The following CPED1 variants were observed in gnomAD, a reference collection of about 807,000 sequenced individuals.
CPED1 encodes cadherin like and PC-esterase domain containing 1, also known as cadherin-like and PC-esterase domain-containing protein 1.
CPED1 carries 114 observed loss-of-function variants against 128.2 expected under a neutral mutation model. The ratio of observed to expected loss-of-function variants is 0.89; its 90% CI spans 0.76 to 1.04. The LOEUF (loss-of-function observed/expected upper bound fraction) is 1.04, where lower values mean the gene tolerates loss of function less well. Ranked by LOEUF, CPED1 falls within the 50% of genes least tolerant of loss-of-function variation. The pLI is 0.00. For missense variants in CPED1, 1,211 were observed against 1,207.1 expected (o/e 1.00, Z -0.05); for synonymous variants, 462 against 426.7 (o/e 1.08, Z -1.02).
chr7:121,265,763 T>TA (rs1314039661), intron 18 of CPED1, among the ~76,000 whole-genome samples: 1 of 151,998 alleles, frequency 6.6e-6, no homozygotes, highest in Non-Finnish European at 1.5e-5. Flanking sequence ...TTCAGAAAAT[T>TA]AGATTCTGGT....
chr7:121,233,539 G>A (rs1029830797), intron 16 of CPED1, among the ~76,000 whole-genome samples: 1 of 151,912 alleles, frequency 6.6e-6, no homozygotes, highest in Non-Finnish European at 1.5e-5. Flanking sequence ...ACAGAGGAAG[G>A]CTCTGTCTCA....
intron 4 of CPED1, among the ~76,000 whole-genome samples, chr7:121,054,756 T>C (rs1793451244): frequency 6.6e-6 from 1 of 151,918 alleles, no homozygotes; most frequent in Admixed American, 6.6e-5. Flanking sequence ...TATGCATCCA[T>C]CCTCACCCGT....
chr7:121,131,212 A>C (rs1293211945), intron 12 of CPED1, among the ~76,000 whole-genome samples: 4 of 152,108 alleles, frequency 2.6e-5, no homozygotes, highest in African/African-American at 4.8e-5. Flanking sequence ...CAATTCAAAA[A>C]TTTGAATAAT....
intron 3 of CPED1, among the ~76,000 whole-genome samples, chr7:121,033,110 G>C (rs1015353851): frequency 1.3e-5 from 2 of 152,154 alleles, no homozygotes; most frequent in African/African-American, 4.8e-5. Context: ...GCTGAGCCTG[G>C]TTCTAGGTAA....
chr7:121,128,030 A>AT (rs890493106), intron 10 of CPED1, among the ~76,000 whole-genome samples: 6 of 151,338 alleles, frequency 4.0e-5, no homozygotes, highest in East Asian at 3.9e-4. Context: ...TTATAATGCT[A>AT]TTTTTTTTTA....
At chr7:121,222,971 G>A (rs983652371) in intron 16 of CPED1, among the ~76,000 whole-genome samples, 10 of 152,044 alleles carry the variant, frequency 6.6e-5, no homozygotes, top group Non-Finnish European at 1.3e-4. Flanking sequence ...TGATTGCCCT[G>A]GCCAGAACTT....
At chr7:121,194,016 CTCTCTCTA>C (rs1195418573) in intron 16 of CPED1, among the ~76,000 whole-genome samples, 47 of 70,812 alleles carry the variant, frequency 6.6e-4, no homozygotes, top group East Asian at 1.6e-3. Flanking sequence ...CTCTCTCTCT[CTCTCTCTA>C]TATATATATA....
intron 7 of CPED1, among the ~76,000 whole-genome samples, chr7:121,103,145 A>G (rs1794894885): frequency 6.6e-6 from 1 of 152,156 alleles, no homozygotes; most frequent in Admixed American, 6.6e-5. Flanking sequence ...TTAGATTTTC[A>G]TGCTTCATTC....
At chr7:121,020,444 A>G (rs1345572974) in intron 3 of CPED1, among the ~76,000 whole-genome samples, 2 of 151,996 alleles carry the variant, frequency 1.3e-5, no homozygotes, top group African/African-American at 2.4e-5. Flanking sequence ...CAGAGTCTGT[A>G]TGGCTTTTAA....
intron 5 of CPED1, among the ~76,000 whole-genome samples, chr7:121,097,253 C>T (rs1327640604): frequency 1.3e-5 from 2 of 152,042 alleles, no homozygotes; most frequent in African/African-American, 2.4e-5. Flanking sequence ...TTCCCAAGGT[C>T]AGGAAGCATA....
chr7:121,097,230 C>A (rs1459201428), intron 5 of CPED1, among the ~76,000 whole-genome samples: 1 of 151,678 alleles, frequency 6.6e-6, no homozygotes, highest in Non-Finnish European at 1.5e-5. Context: ...ACAATAAAGC[C>A]CTGTTGTTGA....
intron 6 of CPED1, among the ~76,000 whole-genome samples, chr7:121,098,784 A>C (rs1441627658): frequency 8.2e-6 from 1 of 122,250 alleles, no homozygotes. Context: ...ATATATAAAA[A>C]TATATAAAAA....
At chr7:121,053,649 G>A (rs1485450179) in intron 4 of CPED1, among the ~76,000 whole-genome samples, 2 of 152,082 alleles carry the variant, frequency 1.3e-5, no homozygotes, top group Admixed American at 1.3e-4. Flanking sequence ...CTAATTTTAG[G>A]ATCCAGAGGT....
intron 5 of CPED1, among the ~76,000 whole-genome samples, chr7:121,075,942 A>T (rs750627764): frequency 2.8e-4 from 42 of 152,180 alleles, no homozygotes; most frequent in Non-Finnish European, 4.4e-4. Context: ...TAGTGAACCC[A>T]TGCAGTTCAA....
In CPED1 at chr7:121,213,438, A is replaced by G. The variant is rs554737630; in HGVS notation, c.2056-23276A>G. Among the ~76,000 whole-genome samples the G allele has an allele frequency of 2.6e-5, 4 of 152,128 alleles. No homozygotes were observed. The South Asian group carries it at 8.3e-4, about 31-fold the overall frequency. On this transcript the variant is annotated intron_variant, in intron 16 of 22. Coordinates refer to ENST00000310396, the MANE Select transcript of CPED1 (RefSeq NM_024913.5). ...CATAACCAAGTTCTCTATAAATGGC[A>G]TTTCCCTTTCTCCTTGTCAACTGTT...
rs373563706 is a variant in CPED1, at chr7:121,261,665, C to G, written c.2311-4562C>G. On this transcript the variant is annotated intron_variant, in intron 18 of 22. Transcript: ENST00000310396. ...CGATGTCCAGAGAGTTCCTAGAAGC[C>G]GTAATTGAAGACACAATCCAGTCAT... The G allele has an allele frequency of 6.8e-6, 11 of 1,611,044 alleles. No individual in the cohort carries two copies. The South Asian group carries it at 1.2e-4, about 18-fold the overall frequency.
At position 121,026,641 on chromosome 7, in the gene CPED1, G is replaced by A. The variant is rs150938736; in HGVS notation, c.433+10793G>A. Among the ~76,000 whole-genome samples, 295 of 148,378 alleles carry A rather than the reference G, an allele frequency of 2.0e-3. 2 individuals are homozygous for A. The highest frequency in any genetic ancestry group is 7.1e-3 in the African/African-American group (284 of 40,238). On this transcript the variant is annotated intron_variant, in intron 3 of 22. Transcript: ENST00000310396. ...AAATTAAATCAGAATTTTGGGGGAG[G>A]GAGACAGACCAGGACATCATTATTT...
At position 121,295,575 on chromosome 7, in the gene CPED1, C is replaced by T. The variant is rs147434701; in HGVS notation, c.3004C>T (p.His1002Tyr). Residue 1002 changes from histidine to tyrosine, a missense_variant, in exon 23 of 23, where the codon CAT becomes TAT. Physicochemically the swap from His to Tyr is moderately conservative, Grantham distance 83 (BLOSUM62 2). Coordinates refer to ENST00000310396, the MANE Select transcript of CPED1 (RefSeq NM_024913.5). ...GTVTNFRSPY[H>Y]VRGPINQVCS... ...TGTAACAAATTTTCGATCGCCATAT[C>T]ATGTCAGAGGTCCAATAAATCAGGT... 138 of 1,613,978 alleles carry T rather than the reference C, an allele frequency of 8.6e-5. No homozygotes were observed. The African/African-American group carries it at 1.7e-3, about 20-fold the overall frequency.
intron 7 of CPED1, among the ~76,000 whole-genome samples, chr7:121,101,403 C>T (rs1380787810): frequency 6.6e-6 from 1 of 152,056 alleles, no homozygotes; most frequent in East Asian, 1.9e-4. Flanking sequence ...AATTTGTTTT[C>T]ATGATTTCTT....
Sources: gnomAD v4.1 joint callset for allele counts (sites outside exome capture counted in the v4.1 genomes callset) on GRCh38, gnomAD v4.1.1 for gene constraint, MANE v1.5 for transcripts, NCBI Gene and HGNC (gene_info 2026-07-23, HGNC 2026-07-21) for gene names.